Variants in GGA3 observed in about 807,000 individuals in gnomAD.
The protein encoded by GGA3 is ADP-ribosylation factor-binding protein GGA3.
Under a neutral mutation model 77.5 loss-of-function variants are expected in GGA3, and 57 were observed. The observed-to-expected ratio is 0.74, with a 90% CI of 0.59 to 0.92. The LOEUF (loss-of-function observed/expected upper bound fraction) is 0.92, where lower values mean the gene tolerates loss of function less well. Among genes scored for constraint, GGA3 ranks in the 40% least tolerant of loss-of-function variants. The pLI is 0.00. For synonymous variants in GGA3, 416 were observed against 383.7 expected, an observed-to-expected ratio of 1.08 and a Z score of -0.98; for missense variants, 970 against 914.9, an observed-to-expected ratio of 1.06 and a Z score of -0.78.
chr17:75,246,877 G>A, intron 1 of GGA3, 81 bp from the exon 2 acceptor site: 2 of 1,075,458 alleles, frequency 1.9e-6, no homozygotes, highest in Admixed American at 3.5e-5. Flanking sequence ...CAAGTTTTAA[G>A]CACTAAGAGT....
chr17:75,249,090 G>A, intron 1 of GGA3: 1 of 769,526 alleles, frequency 1.3e-6, no homozygotes, highest in Non-Finnish European at 1.6e-6. Flanking sequence ...GTGTCACCCA[G>A]GCTGGAGTGC....
At chr17:75,246,631 C>G in intron 2 of GGA3, 47 bp from the exon 3 acceptor site, 1 of 1,592,852 alleles carries the variant, frequency 6.3e-7, no homozygotes, top group Non-Finnish European at 8.6e-7. Flanking sequence ...CCTGGGGCTA[C>G]CTGGCTGGCC....
At position 75,237,527 on chromosome 17, in the gene GGA3, C is replaced by CA. The variant is rs2076361073; in HGVS notation, c.*751_*752insT. ...ACGCTTTTCCCAGAAAGCTGAGTAC[C>CA]TGCTTCTGGAGAAGGGGAAATACTG... On this transcript the variant is annotated 3_prime_UTR_variant, in exon 17 of 17. Coordinates refer to ENST00000537686, the MANE Select transcript of GGA3 (RefSeq NM_138619.4). The CA allele has an allele frequency of 2.0e-6, 3 of 1,535,896 alleles. No homozygotes were observed. Among genetic ancestry groups the CA allele is most frequent in the Non-Finnish European group, 2.6e-6 (3 of 1,146,692 alleles).
chr17:75,238,634 G>A lies in GGA3; in HGVS notation c.2061+18C>T. The A allele has an allele frequency of 5.1e-6, 8 of 1,571,778 alleles. No individual in the cohort carries two copies. The highest frequency in any genetic ancestry group is 6.1e-6 in the Non-Finnish European group (7 of 1,145,760). ...GCTGGGGCCTCAGGCTGGGACCCCT[G>A]GGTTCTTTGCTGCTCACCTTCAGTG... On this transcript the variant is annotated intron_variant, in intron 16 of 16. Coordinates refer to ENST00000537686, the MANE Select transcript of GGA3 (RefSeq NM_138619.4).
chr17:75,257,839 T>A (rs988881754), intron 1 of GGA3, among the ~76,000 whole-genome samples: 1 of 152,086 alleles, frequency 6.6e-6, no homozygotes, highest in African/African-American at 2.4e-5. Flanking sequence ...TTCTTATTAA[T>A]ATAAGAAGGC....
intron 1 of GGA3, among the ~76,000 whole-genome samples, chr17:75,260,994 G>A (rs1207727384): frequency 1.3e-5 from 2 of 152,194 alleles, no homozygotes; most frequent in African/African-American, 4.8e-5. Context: ...AGAGCTCTCT[G>A]TTCTCTATCA....
chr17:75,262,190 C>A, upstream of GGA3: 1 of 685,930 alleles, frequency 1.5e-6, no homozygotes, highest in Non-Finnish European at 2.4e-6. Flanking sequence ...AGGGTTCTAA[C>A]GCGGAGCTGA....
intron 5 of GGA3, 25 bp downstream of exon 5, chr17:75,243,411 GGGCTGCCTGGA>G (rs1406331893): frequency 1.9e-6 from 3 of 1,612,668 alleles, no homozygotes; most frequent in East Asian, 2.2e-5. Context: ...CAGCCTTCGA[GGGCTGCCTGGA>G]GGCTGCGGGC....
chr17:75,238,095 T>A lies in GGA3; in HGVS notation c.*184A>T. On this transcript the variant is annotated 3_prime_UTR_variant, in exon 17 of 17. Transcript: ENST00000537686. ...ACAGGTAGATAAAAACAGGTCCTTT[T>A]AGGGGCCAAAGGAGAGGTTATCACA... The A allele has an allele frequency of 7.2e-7, 1 of 1,395,224 alleles. No individual in the cohort carries two copies. Among genetic ancestry groups the A allele is most frequent in the Non-Finnish European group, 9.3e-7 (1 of 1,078,210 alleles). The allele number at this position is 1,395,224 out of a possible 1,614,324, so 86.4% of individuals were successfully genotyped here.
intron 1 of GGA3, among the ~76,000 whole-genome samples, chr17:75,255,767 A>C (rs568287756): frequency 1.0e-3 from 157 of 152,214 alleles, no homozygotes; most frequent in African/African-American, 3.1e-3. Flanking sequence ...CAAACCATAT[A>C]CTCTCCTATC....
intron 1 of GGA3, among the ~76,000 whole-genome samples, chr17:75,257,756 G>A (rs1202304128): frequency 6.6e-6 from 1 of 151,922 alleles, no homozygotes. Context: ...GAGAAACATC[G>A]CCCATTCTCT....
chr17:75,240,462 C>CTG, intron 11 of GGA3, 50 bp from the exon 12 acceptor site: 1 of 1,250,378 alleles, frequency 8.0e-7, no homozygotes, highest in Non-Finnish European at 1.1e-6. Context: ...AGCTAGGCAG[C>CTG]CCTAGCCCCG....
Position 75,237,760 on chromosome 17 carries a change from C to T in GGA3, c.*519G>A. ...CCAGTTCCTTATTCTGGGCCAGGCACCTTCCTGGGCCACCTCCCTGGGGAT... is the reference window on the plus strand; with the variant it reads ...CCAGTTCCTTATTCTGGGCCAGGCATCTTCCTGGGCCACCTCCCTGGGGAT... On this transcript the variant is annotated 3_prime_UTR_variant, in exon 17 of 17. Coordinates refer to ENST00000537686, the MANE Select transcript of GGA3 (RefSeq NM_138619.4). 2 of 1,430,230 alleles carry T rather than the reference C, an allele frequency of 1.4e-6. No individual in the cohort carries two copies. The highest frequency in any genetic ancestry group is 2.9e-5 in the Admixed American group (1 of 34,458). The allele number at this position is 1,430,230 out of a possible 1,614,324, so 88.6% of individuals were successfully genotyped here. A position where few individuals can be genotyped will look rare whatever the true frequency, so the allele number is the denominator to read the frequency against.
upstream of GGA3, chr17:75,262,222 CT>C: frequency 4.7e-6 from 3 of 642,978 alleles, no homozygotes; most frequent in Non-Finnish European, 8.0e-6. Flanking sequence ...AGCTAAAGAG[CT>C]CAGATCTGGG....
chr17:75,239,168 C>G, intron 14 of GGA3, 85 bp from the exon 15 acceptor site: 2 of 1,300,734 alleles, frequency 1.5e-6, no homozygotes, highest in South Asian at 2.7e-5. Context: ...AGGGCTACTC[C>G]GTGGTCATGA....
At chr17:75,241,833 C>T (rs1475773796) in intron 8 of GGA3, 137 bp from the exon 9 acceptor site, 9 of 749,244 alleles carry the variant, frequency 1.2e-5, no homozygotes, top group African/African-American at 3.4e-5. Context: ...GGGATCACAG[C>T]GCACGTCTTC....
At chr17:75,256,350 C>T (rs184625107) in intron 1 of GGA3, among the ~76,000 whole-genome samples, 7 of 152,054 alleles carry the variant, frequency 4.6e-5, no homozygotes, top group East Asian at 1.9e-4. Context: ...TTCTGCTCCC[C>T]GGCTCCTTCA....
chr17:75,256,745 T>C (rs1316389537), intron 1 of GGA3, among the ~76,000 whole-genome samples: 1 of 152,060 alleles, frequency 6.6e-6, no homozygotes, highest in Non-Finnish European at 1.5e-5. Context: ...CTCCCTTCCC[T>C]ACACATCAAG....
rs2076596124 is a variant in GGA3, at chr17:75,242,500, A to G, written c.610-27T>C. On this transcript the variant is annotated intron_variant, in intron 7 of 16. Transcript: ENST00000537686. The stretch of plus-strand genomic sequence containing the variant: ...TGCCCCAGTGAAGAAGTTCAAGAGA[A>G]AGAGAGCGTCACTTGACTGTCTTTC... The G allele has an allele frequency of 5.6e-6, 9 of 1,613,700 alleles. No homozygotes were observed. The East Asian group carries it at 2.0e-4, about 36-fold the overall frequency.
Sources: allele counts gnomAD v4.1 joint callset (sites outside exome capture counted in the v4.1 genomes callset), GRCh38; gene constraint gnomAD v4.1.1; transcripts MANE v1.5; gene names NCBI Gene and HGNC (gene_info 2026-07-23, HGNC 2026-07-21).